Variants in KMT2A observed in about 807,000 individuals in gnomAD.
KMT2A encodes histone-lysine N-methyltransferase 2A.
Under a neutral mutation model 345.3 loss-of-function variants are expected in KMT2A, and 16 were observed. The ratio of observed to expected loss-of-function variants is 0.05; its 90% confidence interval spans 0.03 to 0.07. KMT2A has a LOEUF of 0.07. Ranked by LOEUF, KMT2A falls within the 10% of genes least tolerant of loss-of-function variation. The probability of loss-of-function intolerance (pLI) is 1.00; values close to 1 mark genes in which losing one functional copy is unlikely to be tolerated. For missense variants in KMT2A, 3,272 were observed against 4,841.6 expected (o/e 0.68, Z 9.62); for synonymous variants, 1,599 against 1,778.6 (o/e 0.90, Z 2.54).
At chr11:118,511,065 A>G (rs1429710330) in intron 30 of KMT2A, among the ~76,000 whole-genome samples, 4 of 152,220 alleles carry the variant, frequency 2.6e-5, no homozygotes, top group African/African-American at 9.6e-5. Flanking sequence ...GAGGGCTTTC[A>G]GTGCCAAACC....
chr11:118,467,332 G>A (rs893107942), intron 1 of KMT2A, among the ~76,000 whole-genome samples: 7 of 150,986 alleles, frequency 4.6e-5, no homozygotes, highest in Admixed American at 3.3e-4. Context: ...AGCTGAGATC[G>A]CGCCACTGCA....
rs1375614603 is a variant in KMT2A, at chr11:118,526,057, C to T, written c.*3885C>T. ...AGTTCAGTCCATGGCTTTTAATTCTCTTAACACTATAGATAAGGATTGTGT... is the reference window on the plus strand; with the variant it reads ...AGTTCAGTCCATGGCTTTTAATTCTTTTAACACTATAGATAAGGATTGTGT... On this transcript the variant is annotated 3_prime_UTR_variant, in exon 36 of 36. Transcript: ENST00000534358. 4.6e-6 allele frequency: 1 copy of T among 218,970 alleles called. No homozygotes were observed. Among genetic ancestry groups the T allele is most frequent in the Non-Finnish European group, 9.2e-6 (1 of 109,160 alleles). The allele number at this position is 218,970 out of a possible 1,614,324, so 13.6% of individuals were successfully genotyped here.
At chr11:118,466,942 C>T (rs1051661084) in intron 1 of KMT2A, among the ~76,000 whole-genome samples, 1 of 151,866 alleles carries the variant, frequency 6.6e-6, no homozygotes, top group Non-Finnish European at 1.5e-5. Context: ...GTATGTAGTC[C>T]GAGCTATGCA....
Position 118,498,335 on chromosome 11 carries a change from G to A in KMT2A, c.5803-35G>A, listed in dbSNP as rs782591573. On this transcript the variant is annotated intron_variant, in intron 21 of 35. Transcript: ENST00000534358. The surrounding 1 kb of genome is among the most constrained non-coding windows in gnomAD (Gnocchi z 4.4). ...GGTAAACGTCTTAAAACATATGAAA[G>A]TCTGAATAGGACTCTGTTCTTTTTG... 60 of 1,579,928 alleles carry A rather than the reference G, an allele frequency of 3.8e-5. No homozygotes were observed. Among genetic ancestry groups the A allele is most frequent in the Admixed American group, 1.3e-4 (7 of 53,252 alleles).
chr11:118,519,685 T>G lies in KMT2A; in HGVS notation c.11214T>G (p.Ser3738=), dbSNP rs782535595. Residue 3738 remains serine, a synonymous_variant, in exon 32 of 36, where the codon TCT becomes TCG. Transcript: ENST00000534358. ...TTGTGTTCCTCATTGAGCAGCTGTC[T>G]GGTGCCAAGCACTGTCGAAATTACA... ...DAVVFLIEQL[S]GAKHCRNYKF... 5.0e-6 allele frequency: 8 copies of G among 1,614,070 alleles called. No homozygotes were observed. Among genetic ancestry groups the G allele is most frequent in the Non-Finnish European group, 6.8e-6 (8 of 1,180,026 alleles).
chr11:118,461,568 T>C (rs1555032671), intron 1 of KMT2A, among the ~76,000 whole-genome samples: 1 of 152,192 alleles, frequency 6.6e-6, no homozygotes, highest in African/African-American at 2.4e-5. Flanking sequence ...GTGGCTATAC[T>C]GTCTTGGAAT....
chr11:118,520,367 C>G lies in KMT2A; in HGVS notation c.11429+303C>G, dbSNP rs1274029000. The G allele has an allele frequency of 2.5e-5, 9 of 363,128 alleles. No individual in the cohort carries two copies. The Admixed American group carries it at 3.5e-4, about 14-fold the overall frequency. The allele number at this position is 363,128 out of a possible 1,614,324, so 22.5% of individuals were successfully genotyped here. A position where few individuals can be genotyped will look rare whatever the true frequency, so the allele number is the denominator to read the frequency against. On this transcript the variant is annotated intron_variant, in intron 33 of 35. Transcript: ENST00000534358. The surrounding 1 kb of genome is among the most constrained non-coding windows in gnomAD (Gnocchi z 4.3). ...TACTATATATACTAAAAATGGGACT[C>G]ATTGGCCAGGCACAGTGGCTCATGC...
chr11:118,483,319 G>T (rs1029931441), intron 8 of KMT2A, among the ~76,000 whole-genome samples: 1 of 151,502 alleles, frequency 6.6e-6, no homozygotes, highest in South Asian at 2.1e-4. Flanking sequence ...GATCATGAGG[G>T]CAGGAGATCG....
chr11:118,457,752 C>G (rs901238176), intron 1 of KMT2A, among the ~76,000 whole-genome samples: 1 of 151,540 alleles, frequency 6.6e-6, no homozygotes, highest in Non-Finnish European at 1.5e-5. Context: ...TATCATCCTT[C>G]GAAAGATTAA....
At chr11:118,437,680 C>T (rs12273879) in intron 1 of KMT2A, among the ~76,000 whole-genome samples, 7 of 151,392 alleles carry the variant, frequency 4.6e-5, no homozygotes, top group South Asian at 2.1e-4. Flanking sequence ...TCTCTTCCCC[C>T]CCCCGCCCCG....
At chr11:118,518,781 CAAA>C (rs372770910) in intron 31 of KMT2A, among the ~76,000 whole-genome samples, 1 of 112,140 alleles carries the variant, frequency 8.9e-6, no homozygotes, top group Non-Finnish European at 1.7e-5. Context: ...GAGTCTGTCT[CAAA>C]AAAAAAAAAA....
rs2134152567 is a variant in KMT2A, at chr11:118,436,615, G to A, written c.103G>A (p.Val35Ile). ...CCTAGGGGGCGCCCCGCGGCAACGCGTCCCGGCCCTGCTGCTTCCCCCCGG... is the reference window on the plus strand; with the variant it reads ...CCTAGGGGGCGCCCCGCGGCAACGCATCCCGGCCCTGCTGCTTCCCCCCGG... ...RGLGGAPRQR[V>I]PALLLPPGPP... Residue 35 changes from valine (V) to isoleucine (I), a missense_variant, in exon 1 of 36, where the codon GTC becomes ATC. Physicochemically the swap from Val to Ile is conservative, Grantham distance 29. Transcript: ENST00000534358. This position sits in a 1 kb window ranked among gnomAD's most constrained non-coding sequence, Gnocchi z 6.9. The A allele has an allele frequency of 1.7e-6, 2 of 1,159,774 alleles. No individual in the cohort carries two copies. The highest frequency in any genetic ancestry group is 2.1e-6 in the Non-Finnish European group (2 of 937,768). 71.8% of individuals were successfully genotyped at this position (1,159,774 alleles called of 1,614,324 possible).
intron 3 of KMT2A, among the ~76,000 whole-genome samples, chr11:118,475,516 G>A (rs1555037319): frequency 6.6e-6 from 1 of 152,188 alleles, no homozygotes; most frequent in Non-Finnish European, 1.5e-5. Flanking sequence ...GAGGTCAGGA[G>A]ATCGAGACCA....
At position 118,490,925 on chromosome 11, in the gene KMT2A, TTTATC is replaced by T. The variant is rs1950314581; in HGVS notation, c.4697-268_4697-264del. ...TCTCTCTTCCATTCTTTTCTATTGTTTTATCTTTAAAATCTACCTCATGACCTTTA... is the reference window on the plus strand; with the variant it reads ...TCTCTCTTCCATTCTTTTCTATTGTTTTTAAAATCTACCTCATGACCTTTA... On this transcript the variant is annotated intron_variant, in intron 13 of 35. Coordinates refer to ENST00000534358, the MANE Select transcript of KMT2A (RefSeq NM_001197104.2). The surrounding 1 kb of genome is among the most constrained non-coding windows in gnomAD (Gnocchi z 4.2). Among the ~76,000 whole-genome samples, 1 of 152,212 alleles carries T rather than the reference TTTATC, an allele frequency of 6.6e-6. No homozygotes were observed.
Position 118,493,960 on chromosome 11 carries a change from A to G in KMT2A, c.5179-328A>G, listed in dbSNP as rs1194073605. On this transcript the variant is annotated intron_variant, in intron 16 of 35. Transcript: ENST00000534358. This position sits in a 1 kb window ranked among gnomAD's most constrained non-coding sequence, Gnocchi z 5.8. ...TCCTGACCTTAAGTGATCCACCCACATCAGCCTCCCAAAGTGCTGGGATTA... is the reference window on the plus strand; with the variant it reads ...TCCTGACCTTAAGTGATCCACCCACGTCAGCCTCCCAAAGTGCTGGGATTA... Among the ~76,000 whole-genome samples the G allele has an allele frequency of 1.3e-5, 2 of 152,112 alleles. No individual in the cohort carries two copies. The highest frequency in any genetic ancestry group is 2.9e-5 in the Non-Finnish European group (2 of 68,006).
rs1555036752 is a variant in KMT2A at position 118,473,970 on chromosome 11, A to G, written c.2811A>G (p.Ser937=). The change falls in exon 3 of 36, where the codon TCA becomes TCG. Residue 937 remains serine (S), a synonymous_variant. Coordinates refer to ENST00000534358, the MANE Select transcript of KMT2A (RefSeq NM_001197104.2). The surrounding 1 kb of genome is among the most constrained non-coding windows in gnomAD (Gnocchi z 5.2). ...AKKATGRKKS[S]SHDSGTDITS... Reference sequence around the variant, plus strand: ...AAGCAACAGGGCGGAAGAAGTCTTCATCACATGATTCTGGGACTGATATTA... The same window carrying G: ...AAGCAACAGGGCGGAAGAAGTCTTCGTCACATGATTCTGGGACTGATATTA... 2 of 1,613,792 alleles carry G rather than the reference A, an allele frequency of 1.2e-6. No individual in the cohort carries two copies. The highest frequency in any genetic ancestry group is 1.3e-5 in the African/African-American group (1 of 74,882).
At chr11:118,464,660 C>T (rs1949808569) in intron 1 of KMT2A, among the ~76,000 whole-genome samples, 1 of 152,022 alleles carries the variant, frequency 6.6e-6, no homozygotes, top group Non-Finnish European at 1.5e-5. Context: ...AAACAAGTGG[C>T]AGCAAGATCC....
At chr11:118,519,218 A>C (rs1293639728) in intron 31 of KMT2A, among the ~76,000 whole-genome samples, 6 of 152,090 alleles carry the variant, frequency 3.9e-5, no homozygotes, top group African/African-American at 1.5e-4. Flanking sequence ...TTGTCAAATC[A>C]TGTAGCCTTG....
chr11:118,502,876 C>T lies in KMT2A; in HGVS notation c.6984C>T (p.Tyr2328=), dbSNP rs781825703. Residue 2328 remains tyrosine (Y), a synonymous_variant, in exon 27 of 36, where the codon TAC becomes TAT. Coordinates refer to ENST00000534358, the MANE Select transcript of KMT2A (RefSeq NM_001197104.2). The surrounding 1 kb of genome is among the most constrained non-coding windows in gnomAD (Gnocchi z 4.9). The part of the protein sequence containing the change: ...SSEGSAHNVA[Y]PGIPKLAPQV... ...AGGGATCTGCACATAATGTGGCTTA[C>T]CCTGGAATTCCTAAACTGGCCCCAC... 17 of 1,614,018 alleles carry T rather than the reference C, an allele frequency of 1.1e-5. No individual in the cohort carries two copies. The African/African-American group carries it at 1.7e-4, about 16-fold the overall frequency.
Sources: allele counts gnomAD v4.1 joint callset (sites outside exome capture counted in the v4.1 genomes callset), GRCh38; gene constraint gnomAD v4.1.1; non-coding constraint Gnocchi (gnomAD v3.1); transcripts MANE v1.5; gene names NCBI Gene and HGNC (gene_info 2026-07-23, HGNC 2026-07-21).